The following MMP24 variants were observed in gnomAD, a reference collection of about 807,000 sequenced individuals.
The protein encoded by MMP24 is matrix metallopeptidase 24.
MMP24 carries 25 observed loss-of-function variants against 62.8 expected under a neutral mutation model. The observed-to-expected ratio is 0.40, with a 90% confidence interval of 0.29 to 0.56. The LOEUF is 0.56. Among genes scored for constraint, MMP24 ranks in the 20% least tolerant of loss-of-function variants. MMP24 has a pLI of 0.50. For missense variants in MMP24, 634 were observed against 853.6 expected (o/e 0.74, Z 3.21); for synonymous variants, 319 against 350.5 (o/e 0.91, Z 1.00).
chr20:35,258,502 C>T (rs2060586138), intron 4 of MMP24, among the ~76,000 whole-genome samples: 1 of 152,154 alleles, frequency 6.6e-6, no homozygotes, highest in Non-Finnish European at 1.5e-5. Context: ...GTTGAAGAAA[C>T]TGGGTCAGGT....
chr20:35,272,728 AAC>A (rs899688256), intron 8 of MMP24, among the ~76,000 whole-genome samples: 5 of 152,184 alleles, frequency 3.3e-5, no homozygotes, highest in African/African-American at 1.2e-4. Context: ...TATGGTCAAA[AAC>A]ACAGACTCTA....
intron 1 of MMP24, among the ~76,000 whole-genome samples, chr20:35,243,753 G>C (rs1398417105): frequency 6.6e-6 from 1 of 152,208 alleles, no homozygotes; most frequent in Admixed American, 6.5e-5. Context: ...AAGTCTTCCA[G>C]AGGTAGTAAT....
In MMP24 at chr20:35,269,782, G is replaced by A. The variant is rs780897680; in HGVS notation, c.1217G>A (p.Arg406His). The change falls in exon 7 of 9, where the codon CGC (arginine) becomes CAC (histidine). Residue 406 changes from arginine (R) to histidine (H), a missense_variant. Around this residue, in one of 3 missense-constraint regions of MMP24, gnomAD observed 399 missense variants for 530.8 expected, o/e 0.75. Coordinates refer to ENST00000246186, the MANE Select transcript of MMP24 (RefSeq NM_006690.4). This position sits in a 1 kb window ranked among gnomAD's most constrained non-coding sequence, Gnocchi z 4.6. Reference sequence around the variant, plus strand: ...CAGGATCGCTGGTTCTGGCGTCTGCGCAATAACCGAGTGCAGGAGGGCTAC... The same window carrying A: ...CAGGATCGCTGGTTCTGGCGTCTGCACAATAACCGAGTGCAGGAGGGCTAC... ...VFKDRWFWRL[R>H]NNRVQEGYPM... The A allele has an allele frequency of 9.5e-6, 15 of 1,572,378 alleles. No individual in the cohort carries two copies. The highest frequency in any genetic ancestry group is 6.8e-5 in the African/African-American group (5 of 73,946).
intron 2 of MMP24, 141 bp from the exon 3 acceptor site, chr20:35,251,764 T>C: frequency 1.6e-6 from 1 of 634,664 alleles, no homozygotes; most frequent in South Asian, 1.9e-5. Flanking sequence ...CTTGTTGGGG[T>C]CCATCCAAGC....
intron 4 of MMP24, among the ~76,000 whole-genome samples, chr20:35,258,824 C>T (rs2060587743): frequency 6.6e-6 from 1 of 151,930 alleles, no homozygotes; most frequent in African/African-American, 2.4e-5. Context: ...AAAAAGATTG[C>T]CTACGTCCCA....
At chr20:35,228,902 C>T (rs2060426501) in intron 1 of MMP24, among the ~76,000 whole-genome samples, 1 of 152,136 alleles carries the variant, frequency 6.6e-6, no homozygotes, top group African/African-American at 2.4e-5. Context: ...GATACAGGAC[C>T]CTACGGTTTT....
chr20:35,272,703 A>G (rs1164671416), intron 8 of MMP24, among the ~76,000 whole-genome samples: 1 of 152,166 alleles, frequency 6.6e-6, no homozygotes, highest in East Asian at 1.9e-4. Flanking sequence ...TGTTTGTTAA[A>G]TAGATCTCCA....
rs367686528 is a variant in MMP24 at position 35,229,211 on chromosome 20, C to T, written c.246+2227C>T. ...TCGCTCACTCTCTCTCTCCCTTCCT[C>T]CACCTCTTCCTCCTTCCTTCTCTTT... On this transcript the variant is annotated intron_variant, in intron 1 of 8. Coordinates refer to ENST00000246186, the MANE Select transcript of MMP24 (RefSeq NM_006690.4). Among the ~76,000 whole-genome samples, 3 of 152,298 alleles carry T rather than the reference C, an allele frequency of 2.0e-5. No homozygotes were observed. In the East Asian group the frequency reaches 5.8e-4, roughly 29 times the overall value.
At chr20:35,239,139 TG>T (rs1188484147) in intron 1 of MMP24, among the ~76,000 whole-genome samples, 1 of 151,624 alleles carries the variant, frequency 6.6e-6, no homozygotes, top group Non-Finnish European at 1.5e-5. Context: ...CTCCACCTCC[TG>T]GGGTCAAGCG....
Position 35,267,561 on chromosome 20 carries a change from T to C in MMP24, c.1194+142T>C, listed in dbSNP as rs1450519945. 5.9e-6 allele frequency: 5 copies of C among 853,448 alleles called. No homozygotes were observed. The South Asian group carries it at 8.8e-5, about 15-fold the overall frequency. The allele number at this position is 853,448 out of a possible 1,614,324, so 52.9% of individuals were successfully genotyped here. On this transcript the variant is annotated intron_variant, in intron 6 of 8. Coordinates refer to ENST00000246186, the MANE Select transcript of MMP24 (RefSeq NM_006690.4). ...AGGAGCTAGCCCAGTGGCCAGGGCA[T>C]GGGGTCTCTTCCTAGTGCTGCTGGG...
chr20:35,231,650 G>C (rs2060438154), intron 1 of MMP24, among the ~76,000 whole-genome samples: 2 of 152,150 alleles, frequency 1.3e-5, no homozygotes, highest in African/African-American at 4.8e-5. Flanking sequence ...ACAATACCAT[G>C]AGGTAGATAA....
intron 4 of MMP24, among the ~76,000 whole-genome samples, chr20:35,258,139 G>A (rs1487335188): frequency 6.6e-6 from 1 of 152,068 alleles, no homozygotes; most frequent in Non-Finnish European, 1.5e-5. Flanking sequence ...AATTATCAAC[G>A]TTGTGGCATT....
At chr20:35,228,489 G>T (rs1031875644) in intron 1 of MMP24, among the ~76,000 whole-genome samples, 1 of 152,188 alleles carries the variant, frequency 6.6e-6, no homozygotes, top group Non-Finnish European at 1.5e-5. Context: ...TGAGTGCACA[G>T]GATGAGGTGG....
chr20:35,241,271 C>T (rs1461811687), intron 1 of MMP24, among the ~76,000 whole-genome samples: 2 of 151,984 alleles, frequency 1.3e-5, no homozygotes, highest in Non-Finnish European at 2.9e-5. Context: ...TAGAATTGTC[C>T]GACCCCGATC....
At chr20:35,260,890 AC>A (rs1181792092) in intron 4 of MMP24, among the ~76,000 whole-genome samples, 14 of 151,650 alleles carry the variant, frequency 9.2e-5, no homozygotes, top group African/African-American at 3.4e-4. Context: ...AACAATCCCC[AC>A]CCCCATGTGT....
intron 2 of MMP24, among the ~76,000 whole-genome samples, chr20:35,249,057 T>C (rs1170474085): frequency 6.6e-6 from 1 of 152,186 alleles, no homozygotes; most frequent in Non-Finnish European, 1.5e-5. Flanking sequence ...CACCTCCTTG[T>C]AGAAGGCGGG....
intron 6 of MMP24, chr20:35,268,072 G>C (rs1012959192): frequency 6.6e-6 from 1 of 152,650 alleles, no homozygotes; most frequent in Non-Finnish European, 1.5e-5. Flanking sequence ...GGAAGAGGGA[G>C]AGGTTAAGTG....
intron 6 of MMP24, chr20:35,267,779 C>T (rs1048076639): frequency 9.9e-6 from 3 of 302,152 alleles, no homozygotes; most frequent in Admixed American, 4.9e-5. Context: ...AGTGAGTACC[C>T]GGCTCTGAAG....
chr20:35,229,773 C>G lies in MMP24; in HGVS notation c.246+2789C>G, dbSNP rs2060429955. ...AGCTCATCTCTCCTTTACCCTTAGA[C>G]AGGCTGCCCATATTTCTCTGGACAT... On this transcript the variant is annotated intron_variant, in intron 1 of 8. Coordinates refer to ENST00000246186, the MANE Select transcript of MMP24 (RefSeq NM_006690.4). Among the ~76,000 whole-genome samples the G allele has an allele frequency of 2.0e-5, 3 of 152,086 alleles. No individual in the cohort carries two copies. The South Asian group carries it at 6.2e-4, about 32-fold the overall frequency.
Sources: gnomAD v4.1 joint callset for allele counts (sites outside exome capture counted in the v4.1 genomes callset) on GRCh38, gnomAD v4.1.1 for gene constraint, gnomAD v4.1.1 regional missense constraint, Gnocchi (gnomAD v3.1) non-coding constraint, MANE v1.5 for transcripts, NCBI Gene and HGNC (gene_info 2026-07-23, HGNC 2026-07-21) for gene names.